Variants in ST6GALNAC5 observed in about 807,000 individuals in gnomAD.
The protein encoded by ST6GALNAC5 is alpha-N-acetylgalactosaminide alpha-2,6-sialyltransferase 5.
ST6GALNAC5 carries 27 observed loss-of-function variants against 33.6 expected under a neutral mutation model. That is an observed-to-expected ratio of 0.80 (90% CI 0.59 to 1.11). The LOEUF (loss-of-function observed/expected upper bound fraction) is 1.11. Ranked by LOEUF, ST6GALNAC5 falls within the 50% of genes least tolerant of loss-of-function variation. The pLI, the probability that ST6GALNAC5 is intolerant of heterozygous loss-of-function variation, is 0.00. For synonymous variants in ST6GALNAC5, 194 were observed against 171.2 expected, an observed-to-expected ratio of 1.13 and a Z score of -1.04; for missense variants, 428 against 454.0, an observed-to-expected ratio of 0.94 and a Z score of 0.52.
chr1:76,984,417 G>A (rs1220614382), intron 2 of ST6GALNAC5, among the ~76,000 whole-genome samples: 2 of 152,114 alleles, frequency 1.3e-5, no homozygotes, highest in South Asian at 2.1e-4. Context: ...AAGTCTAGAA[G>A]AAATGGATAA....
chr1:76,990,291 A>G (rs1179108784), intron 2 of ST6GALNAC5, among the ~76,000 whole-genome samples: 1 of 152,148 alleles, frequency 6.6e-6, no homozygotes, highest in African/African-American at 2.4e-5. Flanking sequence ...AAAATAGTAC[A>G]AGAATATCTT....
At chr1:77,061,595 G>C (rs894821169) in intron 4 of ST6GALNAC5, among the ~76,000 whole-genome samples, 4 of 152,284 alleles carry the variant, frequency 2.6e-5, no homozygotes, top group Middle Eastern at 3.4e-3. Context: ...CTTAGTCTCT[G>C]CAACAAGGCC....
At chr1:76,900,670 T>G (rs1006571304) in intron 2 of ST6GALNAC5, among the ~76,000 whole-genome samples, 1 of 152,208 alleles carries the variant, frequency 6.6e-6, no homozygotes, top group Admixed American at 6.5e-5. Context: ...TCAATCTCAT[T>G]TGAAAAGTGA....
intron 2 of ST6GALNAC5, among the ~76,000 whole-genome samples, chr1:77,023,796 G>A (rs1007916626): frequency 6.6e-6 from 1 of 152,112 alleles, no homozygotes; most frequent in Non-Finnish European, 1.5e-5. Flanking sequence ...TCATTGTAGC[G>A]CCAACTAGAA....
intron 2 of ST6GALNAC5, among the ~76,000 whole-genome samples, chr1:77,016,763 A>G (rs1650867163): frequency 6.6e-6 from 1 of 152,174 alleles, no homozygotes; most frequent in East Asian, 1.9e-4. Context: ...AGAAAATAAC[A>G]TGGTTCTCAA....
At chr1:76,928,646 G>T (rs374104141) in intron 2 of ST6GALNAC5, among the ~76,000 whole-genome samples, 3 of 152,018 alleles carry the variant, frequency 2.0e-5, no homozygotes, top group Non-Finnish European at 2.9e-5. Flanking sequence ...AAGTGAGAAG[G>T]GTGCCTTATT....
At position 77,065,650 on chromosome 1, in the gene ST6GALNAC5, C is replaced by A. The variant is rs1652748992; in HGVS notation, c.*2444C>A. On this transcript the variant is annotated 3_prime_UTR_variant, in exon 5 of 5. Coordinates refer to ENST00000477717, the MANE Select transcript of ST6GALNAC5 (RefSeq NM_030965.3). ...CAATTGAATTCTTGTCTTCCCACTACCATTTCATGACTGTCGTCTGAACAC... is the reference window on the plus strand; with the variant it reads ...CAATTGAATTCTTGTCTTCCCACTAACATTTCATGACTGTCGTCTGAACAC... The A allele has an allele frequency of 6.6e-6, 1 of 152,168 alleles. No homozygotes were observed. The highest frequency in any genetic ancestry group is 2.4e-5 in the African/African-American group (1 of 41,432). 9.4% of individuals were successfully genotyped at this position (152,168 alleles called of 1,614,324 possible). A position where few individuals can be genotyped will look rare whatever the true frequency, so the allele number is the denominator to read the frequency against.
intron 2 of ST6GALNAC5, among the ~76,000 whole-genome samples, chr1:76,909,245 T>C (rs1457233264): frequency 6.6e-6 from 1 of 152,132 alleles, no homozygotes; most frequent in Admixed American, 6.6e-5. Flanking sequence ...AGTCAGTAAA[T>C]GTTTATATAA....
chr1:76,997,950 G>C (rs1168434133), intron 2 of ST6GALNAC5, among the ~76,000 whole-genome samples: 1 of 152,154 alleles, frequency 6.6e-6, no homozygotes, highest in Non-Finnish European at 1.5e-5. Context: ...CCTCTATGCT[G>C]TTCTCATGAT....
chr1:76,963,089 G>C (rs567467523), intron 2 of ST6GALNAC5, among the ~76,000 whole-genome samples: 11 of 152,162 alleles, frequency 7.2e-5, no homozygotes, highest in Non-Finnish European at 1.6e-4. Flanking sequence ...GGTGAGAATA[G>C]AAAACCAGGG....
chr1:76,867,554 C>G lies in ST6GALNAC5; in HGVS notation c.-122C>G. 1 of 1,531,496 alleles carries G rather than the reference C, an allele frequency of 6.5e-7. No homozygotes were observed. The highest frequency in any genetic ancestry group is 1.7e-5 in the Admixed American group (1 of 59,512). 94.9% of individuals were successfully genotyped at this position (1,531,496 alleles called of 1,614,324 possible). A position where few individuals can be genotyped will look rare whatever the true frequency, so the allele number is the denominator to read the frequency against. ...CGCGGCTCCCGCGCGCGATCTGCCG[C>G]GGCCGGCTGCTGGGCAAAAATCAGA... On this transcript the variant is annotated 5_prime_UTR_variant, in exon 1 of 5. Transcript: ENST00000477717.
chr1:76,903,419 T>C (rs1646836712), intron 2 of ST6GALNAC5, among the ~76,000 whole-genome samples: 1 of 152,164 alleles, frequency 6.6e-6, no homozygotes, highest in Non-Finnish European at 1.5e-5. Context: ...ATTAGATCTC[T>C]CATACATTGC....
intron 2 of ST6GALNAC5, among the ~76,000 whole-genome samples, chr1:76,990,088 T>A (rs564235931): frequency 6.6e-6 from 1 of 152,106 alleles, no homozygotes; most frequent in Non-Finnish European, 1.5e-5. Context: ...AACAACTGAG[T>A]TTTTGTTCTG....
intron 2 of ST6GALNAC5, among the ~76,000 whole-genome samples, chr1:76,970,851 C>A (rs746782908): frequency 2.0e-5 from 3 of 152,218 alleles, no homozygotes; most frequent in East Asian, 3.9e-4. Flanking sequence ...TAATAACTCA[C>A]CTTTGAATTC....
chr1:76,929,755 A>G lies in ST6GALNAC5; in HGVS notation c.261+61013A>G, dbSNP rs746346229. Among the ~76,000 whole-genome samples, 47 of 152,236 alleles carry G rather than the reference A, an allele frequency of 3.1e-4. 1 individual carries two copies. Among genetic ancestry groups the G allele is most frequent in the African/African-American group, 1.1e-3 (47 of 41,546 alleles). On this transcript the variant is annotated intron_variant, in intron 2 of 4. Transcript: ENST00000477717. ...ATATTAAAACCTGTTCATCATCTCA[A>G]TAATTTTTAGATTGATTATATGTAG...
Position 77,012,923 on chromosome 1 carries a change from T to C in ST6GALNAC5, c.262-31281T>C, listed in dbSNP as rs570225449. Among the ~76,000 whole-genome samples, 17 of 152,318 alleles carry C rather than the reference T, an allele frequency of 1.1e-4. No homozygotes were observed. In the East Asian group the frequency reaches 3.3e-3, roughly 29 times the overall value. On this transcript the variant is annotated intron_variant, in intron 2 of 4. Coordinates refer to ENST00000477717, the MANE Select transcript of ST6GALNAC5 (RefSeq NM_030965.3). ...TTCCATAGACATGTTTGAGAATTCC[T>C]ATGGTCTATCAGGCAAGGGCACTTT...
At chr1:76,893,356 G>A (rs2100252276) in intron 2 of ST6GALNAC5, among the ~76,000 whole-genome samples, 1 of 152,268 alleles carries the variant, frequency 6.6e-6, no homozygotes, top group African/African-American at 2.4e-5. Flanking sequence ...AGTTTAAGAA[G>A]GCATAGGAAC....
At chr1:76,938,648 T>C (rs1432881631) in intron 2 of ST6GALNAC5, among the ~76,000 whole-genome samples, 1 of 152,096 alleles carries the variant, frequency 6.6e-6, no homozygotes, top group Admixed American at 6.6e-5. Flanking sequence ...AAATGCTCCG[T>C]GTGGTTCATT....
chr1:76,999,459 G>A lies in ST6GALNAC5; in HGVS notation c.262-44745G>A, dbSNP rs143751940. 6.3e-3 allele frequency among the ~76,000 whole-genome samples: 953 copies of A among 151,032 alleles called. 9 individuals are homozygous for A. Among genetic ancestry groups the A allele is most frequent in the African/African-American group, 0.021 (879 of 41,192 alleles). Reference sequence around the variant, plus strand: ...GGTGACTTGGTTGATCTAGGTTCTGGTCCAGAAATGTGCAGGTTTGGGTTT... The same window carrying A: ...GGTGACTTGGTTGATCTAGGTTCTGATCCAGAAATGTGCAGGTTTGGGTTT... On this transcript the variant is annotated intron_variant, in intron 2 of 4. Coordinates refer to ENST00000477717, the MANE Select transcript of ST6GALNAC5 (RefSeq NM_030965.3).
Sources: gnomAD v4.1 joint callset for allele counts (sites outside exome capture counted in the v4.1 genomes callset) on GRCh38, gnomAD v4.1.1 for gene constraint, MANE v1.5 for transcripts, NCBI Gene and HGNC (gene_info 2026-07-23, HGNC 2026-07-21) for gene names.